Variants in OPCML observed in about 807,000 individuals in gnomAD.
The protein encoded by OPCML is opioid binding protein/cell adhesion molecule like, also known as opioid-binding protein/cell adhesion molecule.
OPCML carries 13 observed loss-of-function variants against 37.8 expected under a neutral mutation model. The observed-to-expected ratio is 0.34, with a 90% confidence interval of 0.22 to 0.55. The LOEUF is 0.55. Ranked by LOEUF, OPCML falls within the 20% of genes least tolerant of loss-of-function variation. OPCML has a pLI of 0.91. For synonymous variants in OPCML, 176 were observed against 168.8 expected (o/e 1.04, Z -0.33); for missense variants, 341 against 435.6 (o/e 0.78, Z 1.93).
intron 1 of OPCML, among the ~76,000 whole-genome samples, chr11:133,018,674 T>G (rs1646312419): frequency 1.3e-5 from 2 of 152,176 alleles, no homozygotes; most frequent in Admixed American, 1.3e-4. Flanking sequence ...GAGAAGCCGT[T>G]CAGTATAAAG....
At chr11:133,403,770 G>A (rs956071269) in intron 1 of OPCML, among the ~76,000 whole-genome samples, 1 of 152,160 alleles carries the variant, frequency 6.6e-6, no homozygotes, top group African/African-American at 2.4e-5. Context: ...GTGGTACATA[G>A]AACAGACAAA....
At chr11:132,541,412 G>T (rs939761783) in intron 3 of OPCML, among the ~76,000 whole-genome samples, 2 of 152,084 alleles carry the variant, frequency 1.3e-5, no homozygotes, top group Non-Finnish European at 2.9e-5. Context: ...TAACTTATAG[G>T]GTCATTGGGA....
chr11:132,726,508 A>ATT lies in OPCML; in HGVS notation c.147-69191_147-69190dup, dbSNP rs11454717. 5.8e-3 allele frequency among the ~76,000 whole-genome samples: 865 copies of ATT among 149,664 alleles called. 5 individuals are homozygous for ATT. Among genetic ancestry groups the ATT allele is most frequent in the African/African-American group, 0.015 (598 of 40,964 alleles). On this transcript the variant is annotated intron_variant, in intron 2 of 7. Transcript: ENST00000524381. ...AGGGACACAGCCAAACCATATCAAC[A>ATT]TTTTTTTTTTTTAAAGAAAACCTCA...
At chr11:133,307,333 T>G (rs1257210765) in intron 1 of OPCML, among the ~76,000 whole-genome samples, 1 of 152,164 alleles carries the variant, frequency 6.6e-6, no homozygotes, top group Non-Finnish European at 1.5e-5. Flanking sequence ...ATAGGGGTTA[T>G]GTAGCTGGTC....
At chr11:132,629,504 A>G (rs927995676) in intron 3 of OPCML, among the ~76,000 whole-genome samples, 3 of 152,200 alleles carry the variant, frequency 2.0e-5, no homozygotes, top group Admixed American at 1.3e-4. Context: ...TGATGTCCTC[A>G]TTGCATATGA....
chr11:133,246,593 C>T (rs1192240696), intron 1 of OPCML, among the ~76,000 whole-genome samples: 1 of 152,136 alleles, frequency 6.6e-6, no homozygotes, highest in Non-Finnish European at 1.5e-5. Context: ...CCCAGTGCTG[C>T]TGAAGGTCAG....
intron 1 of OPCML, among the ~76,000 whole-genome samples, chr11:132,947,232 G>A (rs377170946): frequency 8.5e-5 from 13 of 152,232 alleles, no homozygotes; most frequent in East Asian, 1.9e-4. Context: ...TGAGGTTCCC[G>A]ATAGGAAAAG....
intron 2 of OPCML, among the ~76,000 whole-genome samples, chr11:132,759,416 A>T (rs778355911): frequency 3.3e-5 from 5 of 152,130 alleles, no homozygotes; most frequent in Non-Finnish European, 7.3e-5. Flanking sequence ...TTTGGCTGAT[A>T]ATCTGTCTGG....
chr11:132,926,650 C>G (rs989571397), intron 2 of OPCML, among the ~76,000 whole-genome samples: 4 of 151,744 alleles, frequency 2.6e-5, no homozygotes, highest in Admixed American at 2.0e-4. Context: ...GCCAAATTTT[C>G]AACATAATGT....
intron 2 of OPCML, among the ~76,000 whole-genome samples, chr11:132,695,265 A>T (rs1175734606): frequency 6.6e-6 from 1 of 152,210 alleles, no homozygotes; most frequent in African/African-American, 2.4e-5. Context: ...GAGTCAAGTA[A>T]ATGTTCCTGA....
At chr11:132,639,029 G>A (rs1008656884) in intron 3 of OPCML, among the ~76,000 whole-genome samples, 2 of 152,106 alleles carry the variant, frequency 1.3e-5, no homozygotes, top group Non-Finnish European at 2.9e-5. Context: ...TTGACTCACC[G>A]TACTGCTTTC....
intron 1 of OPCML, among the ~76,000 whole-genome samples, chr11:133,265,007 C>T (rs963665671): frequency 6.6e-6 from 1 of 152,068 alleles, no homozygotes. Flanking sequence ...AGGGTCCTAC[C>T]GAGAGGCCTC....
intron 3 of OPCML, among the ~76,000 whole-genome samples, chr11:132,634,609 T>A (rs11824078): frequency 5.9e-5 from 9 of 151,986 alleles, no homozygotes; most frequent in Non-Finnish European, 1.3e-4. Flanking sequence ...CTTCCTCATC[T>A]CTAAAGATGG....
intron 4 of OPCML, among the ~76,000 whole-genome samples, chr11:132,485,413 C>T (rs2096196551): frequency 6.6e-6 from 1 of 152,142 alleles, no homozygotes; most frequent in South Asian, 2.1e-4. Flanking sequence ...ACCAAAAGCA[C>T]AGACCTTAAG....
chr11:132,527,301 A>G (rs1325205103), intron 4 of OPCML, among the ~76,000 whole-genome samples: 2 of 152,184 alleles, frequency 1.3e-5, no homozygotes, highest in South Asian at 2.1e-4. Flanking sequence ...TTATAACAAA[A>G]TGTGAAATTG....
rs75946736 is a variant in OPCML, at chr11:133,263,924, G to T, written c.61+268340C>A. Among the ~76,000 whole-genome samples the T allele has an allele frequency of 6.3e-3, 955 of 152,254 alleles. 9 individuals carry two copies. Among genetic ancestry groups the T allele is most frequent in the African/African-American group, 0.022 (896 of 41,550 alleles). On this transcript the variant is annotated intron_variant, in intron 1 of 7. Transcript: ENST00000524381. ...TCTCCAGGCTCAGTTTGGGACCCAG[G>T]GACAATTCCCATTACACAGGCTGCT...
chr11:132,679,257 G>A (rs1346480802), intron 2 of OPCML, among the ~76,000 whole-genome samples: 2 of 151,974 alleles, frequency 1.3e-5, no homozygotes, highest in Non-Finnish European at 2.9e-5. Context: ...ACATACACAG[G>A]AGAAATGAAC....
rs977988632 is a variant in OPCML at position 133,004,986 on chromosome 11, G to A, written c.62-61976C>T. The A allele has an allele frequency of 6.1e-6, 6 of 985,238 alleles. No homozygotes were observed. The African/African-American group carries it at 1.0e-4, about 17-fold the overall frequency. 61.0% of individuals were successfully genotyped at this position (985,238 alleles called of 1,614,324 possible). On this transcript the variant is annotated intron_variant, in intron 1 of 7. Coordinates refer to ENST00000524381, the MANE Select transcript of OPCML (RefSeq NM_001012393.5). ...CATCATGGTCCTTCCCACCTGGACTGCTGCACTCTTACTCCTCCCATCCCT... is the reference window on the plus strand; with the variant it reads ...CATCATGGTCCTTCCCACCTGGACTACTGCACTCTTACTCCTCCCATCCCT...
chr11:133,330,450 C>A (rs200121352), intron 1 of OPCML, among the ~76,000 whole-genome samples: 5 of 151,922 alleles, frequency 3.3e-5, no homozygotes, highest in Admixed American at 2.0e-4. Context: ...TGTCCAACAA[C>A]GATAGACTGG....
Sources: allele counts gnomAD v4.1 joint callset (sites outside exome capture counted in the v4.1 genomes callset), GRCh38; gene constraint gnomAD v4.1.1; transcripts MANE v1.5; gene names NCBI Gene and HGNC (gene_info 2026-07-23, HGNC 2026-07-21).